CDKAL1: variants seen among roughly 807,000 people sequenced by gnomAD.
The protein encoded by CDKAL1 is CDKAL1 threonylcarbamoyladenosine tRNA methylthiotransferase.
A neutral mutation model predicts 68.2 loss-of-function variants in CDKAL1; 32 were observed. That is an observed-to-expected ratio of 0.47 (90% CI 0.35 to 0.63). CDKAL1 has a LOEUF of 0.63. CDKAL1 is among the 30% of genes least tolerant of loss of function. The pLI, the probability that CDKAL1 is intolerant of heterozygous loss-of-function variation, is 0.00. For synonymous variants in CDKAL1, 234 were observed against 244.3 expected (o/e 0.96, Z 0.39); for missense variants, 606 against 696.7 (o/e 0.87, Z 1.47).
intron 13 of CDKAL1, among the ~76,000 whole-genome samples, chr6:21,141,646 TG>T (rs1775915684): frequency 6.6e-6 from 1 of 152,200 alleles, no homozygotes. Flanking sequence ...AGTCTTGGCA[TG>T]AAGCAACACT....
intron 4 of CDKAL1, among the ~76,000 whole-genome samples, chr6:20,621,791 CTT>C (rs1554164881): frequency 6.7e-6 from 1 of 148,368 alleles, no homozygotes; most frequent in African/African-American, 2.5e-5. Context: ...TTTTTGACCA[CTT>C]TTTGGCACTG....
chr6:20,756,878 TCC>T (rs1561750232), intron 6 of CDKAL1: 1 of 75,168 alleles, frequency 1.3e-5, no homozygotes, highest in African/African-American at 5.1e-5. Flanking sequence ...CTTCCTTCCT[TCC>T]TTCCTTCCTT....
intron 11 of CDKAL1, among the ~76,000 whole-genome samples, chr6:21,032,243 G>A (rs1334947679): frequency 2.0e-5 from 3 of 152,046 alleles, no homozygotes; most frequent in Non-Finnish European, 4.4e-5. Context: ...GAATGTTGAA[G>A]AGAGCTAAAG....
chr6:20,588,316 G>C (rs1415004940), intron 4 of CDKAL1, among the ~76,000 whole-genome samples: 1 of 152,142 alleles, frequency 6.6e-6, no homozygotes, highest in South Asian at 2.1e-4. Context: ...ATAACCCAAA[G>C]AGTATATTCT....
At chr6:21,138,216 T>C in intron 13 of CDKAL1, among the ~76,000 whole-genome samples, 1 of 87,976 alleles carries the variant, frequency 1.1e-5, no homozygotes. Flanking sequence ...AACCCACATT[T>C]GTGTGTGTGT....
At chr6:20,959,126 T>C (rs993742336) in intron 10 of CDKAL1, among the ~76,000 whole-genome samples, 1 of 152,174 alleles carries the variant, frequency 6.6e-6, no homozygotes, top group Admixed American at 6.5e-5. Context: ...ACTGAATACA[T>C]GTGTACTGAA....
At chr6:21,004,650 G>T (rs1316349878) in intron 11 of CDKAL1, among the ~76,000 whole-genome samples, 1 of 152,128 alleles carries the variant, frequency 6.6e-6, no homozygotes, top group Non-Finnish European at 1.5e-5. Flanking sequence ...AAAGCAAGCG[G>T]TGCAATTCTG....
intron 13 of CDKAL1, among the ~76,000 whole-genome samples, chr6:21,188,672 C>T (rs1017853017): frequency 2.0e-5 from 3 of 152,080 alleles, no homozygotes; most frequent in African/African-American, 7.2e-5. Flanking sequence ...GAGCACTTTC[C>T]CAGGCTGCCT....
chr6:21,033,827 C>T (rs1334132011), intron 11 of CDKAL1, among the ~76,000 whole-genome samples: 3 of 152,138 alleles, frequency 2.0e-5, no homozygotes, highest in African/African-American at 7.2e-5. Context: ...GGATGGTTAA[C>T]AGTGGCCAAT....
chr6:21,152,617 C>G (rs1776465599), intron 13 of CDKAL1, among the ~76,000 whole-genome samples: 1 of 152,218 alleles, frequency 6.6e-6, no homozygotes, highest in Non-Finnish European at 1.5e-5. Flanking sequence ...TTTCTGGAGC[C>G]TATGCTAGCT....
intron 13 of CDKAL1, among the ~76,000 whole-genome samples, chr6:21,172,914 C>T (rs1401362006): frequency 6.6e-6 from 1 of 151,646 alleles, no homozygotes; most frequent in African/African-American, 2.4e-5. Flanking sequence ...CTACGCATTT[C>T]ATTAGAATAT....
intron 4 of CDKAL1, among the ~76,000 whole-genome samples, chr6:20,644,894 TATC>T (rs1187754305): frequency 2.0e-5 from 3 of 152,172 alleles, no homozygotes; most frequent in Non-Finnish European, 2.9e-5. Flanking sequence ...GCTATTTTGT[TATC>T]ATGCGAACAT....
chr6:20,819,343 T>C (rs1777179453), intron 8 of CDKAL1, among the ~76,000 whole-genome samples: 1 of 152,170 alleles, frequency 6.6e-6, no homozygotes, highest in Non-Finnish European at 1.5e-5. Flanking sequence ...GCAAAATAAT[T>C]AGAGTGTATT....
intron 8 of CDKAL1, among the ~76,000 whole-genome samples, chr6:20,833,141 C>A (rs1330460336): frequency 6.6e-6 from 1 of 152,128 alleles, no homozygotes; most frequent in East Asian, 1.9e-4. Context: ...TTTATTGAAG[C>A]ATTTATTGGA....
chr6:20,571,416 A>G (rs1373544515), intron 4 of CDKAL1, among the ~76,000 whole-genome samples: 1 of 151,924 alleles, frequency 6.6e-6, no homozygotes, highest in Non-Finnish European at 1.5e-5. Flanking sequence ...TCTTTCCCCT[A>G]TCTCTGCTGA....
chr6:21,166,219 T>C (rs2151069775), intron 13 of CDKAL1, among the ~76,000 whole-genome samples: 1 of 152,282 alleles, frequency 6.6e-6, no homozygotes, highest in Non-Finnish European at 1.5e-5. Context: ...CCTGCCATGT[T>C]CAGATAACTT....
chr6:20,720,368 C>T (rs753967141), intron 5 of CDKAL1, among the ~76,000 whole-genome samples: 1 of 152,028 alleles, frequency 6.6e-6, no homozygotes, highest in Admixed American at 6.5e-5. Context: ...AGGGTGTCCA[C>T]CACCCACGTA....
chr6:20,713,656 T>C (rs1771950624), intron 5 of CDKAL1, among the ~76,000 whole-genome samples: 2 of 152,108 alleles, frequency 1.3e-5, no homozygotes, highest in Admixed American at 1.3e-4. Flanking sequence ...ACAATGAAAA[T>C]AAAGATTTTT....
At chr6:21,007,604 T>G (rs539973785) in intron 11 of CDKAL1, among the ~76,000 whole-genome samples, 1 of 152,258 alleles carries the variant, frequency 6.6e-6, no homozygotes, top group South Asian at 2.1e-4. Flanking sequence ...AATTAAATGA[T>G]TTCTATTTTT....
Sources: gnomAD v4.1 joint callset for allele counts (sites outside exome capture counted in the v4.1 genomes callset) on GRCh38, gnomAD v4.1.1 for gene constraint, MANE v1.5 for transcripts, NCBI Gene and HGNC (gene_info 2026-07-23, HGNC 2026-07-21) for gene names.